Variants in CCDC17 observed in about 807,000 individuals in gnomAD.
The protein encoded by CCDC17 is coiled-coil domain-containing protein 17.
Under a neutral mutation model 68.0 loss-of-function variants are expected in CCDC17, and 79 were observed. That is an observed-to-expected ratio of 1.16 (90% confidence interval 0.97 to 1.40). The LOEUF (loss-of-function observed/expected upper bound fraction) is 1.40. CCDC17 is among the 40% of genes most tolerant of loss of function. The pLI is 0.00. For synonymous variants in CCDC17, 376 were observed against 337.5 expected (o/e 1.11, Z -1.25); for missense variants, 846 against 811.5 (o/e 1.04, Z -0.52).
At chr1:45,621,854 T>A in intron 8 of CCDC17, 23 bp downstream of exon 8, 1 of 1,595,060 alleles carries the variant, frequency 6.3e-7, no homozygotes, top group African/African-American at 1.3e-5. Flanking sequence ...CCTCACAGCC[T>A]TTGCCCCACC....
rs1466764344 is a variant in CCDC17 at position 45,620,575 on chromosome 1, A to G, written c.1711-142T>C. 3.4e-5 allele frequency: 50 copies of G among 1,482,428 alleles called. No homozygotes were observed. The South Asian group carries it at 5.6e-4, about 17-fold the overall frequency. The allele number at this position is 1,482,428 out of a possible 1,614,324, so 91.8% of individuals were successfully genotyped here. A position where few individuals can be genotyped will look rare whatever the true frequency, so the allele number is the denominator to read the frequency against. Reference sequence around the variant, plus strand: ...CTGCTTTGATTTCCTTATCTGTTACATAGTAGGACTTCATAGAGATGTGAG... The same window carrying G: ...CTGCTTTGATTTCCTTATCTGTTACGTAGTAGGACTTCATAGAGATGTGAG... On this transcript the variant is annotated intron_variant, in intron 12 of 12. Transcript: ENST00000528266.
In CCDC17 at chr1:45,621,637, C is replaced by T; in HGVS notation, c.1184+1G>A. The T allele has an allele frequency of 1.9e-6, 3 of 1,613,502 alleles. No individual in the cohort carries two copies. Among genetic ancestry groups the T allele is most frequent in the South Asian group, 2.2e-5 (2 of 90,968 alleles). ...GCTGTCGAAGGTGGCACGGGCCTCA[C>T]CCAGGATCATAGGGTGCAGGGCCCA... On this transcript the variant is annotated splice_donor_variant, in intron 9 of 12. Transcript: ENST00000528266. LOFTEE classifies it high-confidence loss of function.
chr1:45,621,831 A>C, intron 8 of CCDC17, 46 bp downstream of exon 8: 1 of 1,592,658 alleles, frequency 6.3e-7, no homozygotes, highest in Non-Finnish European at 8.6e-7. Flanking sequence ...TGTTCCCCCA[A>C]CCCACCCCGT....
At position 45,620,883 on chromosome 1, in the gene CCDC17, T is replaced by C. The variant is rs181566146; in HGVS notation, c.1599+20A>G. 5.0e-5 allele frequency: 81 copies of C among 1,612,322 alleles called. No homozygotes were observed. The highest frequency in any genetic ancestry group is 6.6e-5 in the Non-Finnish European group (78 of 1,179,214). On this transcript the variant is annotated intron_variant, in intron 11 of 12. Coordinates refer to ENST00000528266, the MANE Select transcript of CCDC17 (RefSeq NM_001114938.3). ...CACTTGTACTTTGCTGTATGCCCAA[T>C]CCCTGCGCACCACACTCACCTGAGG...
chr1:45,621,370 C>T lies in CCDC17; in HGVS notation c.1299G>A (p.Ala433=), dbSNP rs755083111. Residue 433 remains alanine (A), a synonymous_variant, in exon 10 of 13, where the codon GCG becomes GCA. Transcript: ENST00000528266. ...GGGGCAGGCAAAGGGCTGGGGGCAA[C>T]GCTGTGGTCCTTCCTGTATCCCGTC... ...RDGRDTGRTT[A]LPPALCLPPP... 1.1e-5 allele frequency: 18 copies of T among 1,591,034 alleles called. No individual in the cohort carries two copies. The highest frequency in any genetic ancestry group is 2.7e-5 in the African/African-American group (2 of 74,474).
Position 45,623,029 on chromosome 1 carries a change from T to C in CCDC17, c.582A>G (p.Gln194=), listed in dbSNP as rs1445659887. 5 of 1,612,786 alleles carry C rather than the reference T, an allele frequency of 3.1e-6. No homozygotes were observed. The highest frequency in any genetic ancestry group is 4.2e-6 in the Non-Finnish European group (5 of 1,179,452). The change falls in exon 4 of 13, where the codon CAA becomes CAG. Residue 194 remains glutamine (Q), a synonymous_variant. Coordinates refer to ENST00000528266, the MANE Select transcript of CCDC17 (RefSeq NM_001114938.3). ...FGLEQEIREL[Q]AEAGRTRGAL... ...CTCCCCGCGTCCTCCCGGCCTCAGC[T>C]TGTAGTTCTCGAATCTCCTGCTCCA...
rs1569650354 is a variant in CCDC17, at chr1:45,620,729, T to G, written c.1704A>C (p.Pro568=). ...NPASVHEYQY[P]PPVSSTSSLE... is the part of the protein sequence containing the mutation. The stretch of plus-strand genomic sequence containing the variant: ...GCTGCAGCTGGGCCCTCACCGGAGG[T>G]GGGTACTGGTACTCATGGACACTTG... The change falls in exon 12 of 13, where the codon CCA becomes CCC. Residue 568 remains proline (P), a synonymous_variant. Coordinates refer to ENST00000528266, the MANE Select transcript of CCDC17 (RefSeq NM_001114938.3). 6.2e-7 allele frequency: 1 copy of G among 1,600,786 alleles called. No homozygotes were observed. The highest frequency in any genetic ancestry group is 8.5e-7 in the Non-Finnish European group (1 of 1,173,668).
chr1:45,621,657 G>A lies in CCDC17; in HGVS notation c.1165C>T (p.Pro389Ser). ...FLLPTSDMLGPAPYDPGAGLV... is the reference protein window; with the variant it reads ...FLLPTSDMLGSAPYDPGAGLV... ...CCTCACCCAGGATCATAGGGTGCAG[G>A]GCCCAGCATGTCCGATGTGGGCAGG... The change falls in exon 9 of 13, where the codon CCT (proline) becomes TCT (serine). Residue 389 changes from proline (P) to serine (S), a missense_variant. Coordinates refer to ENST00000528266, the MANE Select transcript of CCDC17 (RefSeq NM_001114938.3). The A allele has an allele frequency of 6.2e-7, 1 of 1,613,836 alleles. No individual in the cohort carries two copies. The highest frequency in any genetic ancestry group is 8.5e-7 in the Non-Finnish European group (1 of 1,179,822).
Position 45,623,106 on chromosome 1 carries a change from G to C in CCDC17, c.505C>G (p.Arg169Gly). Residue 169 changes from arginine (R) to glycine (G), a missense_variant, in exon 4 of 13, where the codon CGC becomes GGC. Physicochemically the swap from Arg to Gly is moderately radical, Grantham distance 125. Coordinates refer to ENST00000528266, the MANE Select transcript of CCDC17 (RefSeq NM_001114938.3). Reference sequence around the variant, plus strand: ...CGCGTACAGGCCACAACTTGGAGGCGTCGGCTCAGTTCTGAGGGAATGCGG... The same window carrying C: ...CGCGTACAGGCCACAACTTGGAGGCCTCGGCTCAGTTCTGAGGGAATGCGG... ...LQLRGEELSR[R>G]LQVVACTRGG... is the part of the protein sequence containing the mutation. The C allele has an allele frequency of 6.4e-7, 1 of 1,569,366 alleles. No individual in the cohort carries two copies. Among genetic ancestry groups the C allele is most frequent in the Non-Finnish European group, 8.6e-7 (1 of 1,157,692 alleles).
chr1:45,620,509 T>C, intron 12 of CCDC17, 76 bp from the exon 13 acceptor site: 2 of 1,470,050 alleles, frequency 1.4e-6, no homozygotes, highest in Non-Finnish European at 1.8e-6. Flanking sequence ...TAGTTAGGCT[T>C]CCTTAGAGTC....
In CCDC17 at chr1:45,622,842, G is replaced by C. The variant is rs1439407966; in HGVS notation, c.657-8C>G. ...CGGGAGCTCAGCGGGTTCCTGGGGTGGCAGGCGACGCGCAGGGAGACGGTA... is the reference window on the plus strand; with the variant it reads ...CGGGAGCTCAGCGGGTTCCTGGGGTCGCAGGCGACGCGCAGGGAGACGGTA... On this transcript the variant is annotated splice_region_variant and splice_polypyrimidine_tract_variant and intron_variant, in intron 4 of 12. Coordinates refer to ENST00000528266, the MANE Select transcript of CCDC17 (RefSeq NM_001114938.3). 6.3e-7 allele frequency: 1 copy of C among 1,592,550 alleles called. No individual in the cohort carries two copies. The highest frequency in any genetic ancestry group is 1.8e-5 in the Admixed American group (1 of 57,082).
At position 45,621,916 on chromosome 1, in the gene CCDC17, CGGTGGCG is replaced by C; in HGVS notation, c.1040_1046del (p.Pro347ArgfsTer21). The C allele has an allele frequency of 6.2e-7, 1 of 1,608,558 alleles. No homozygotes were observed. On this transcript the variant is annotated frameshift_variant, in exon 8 of 13. Transcript: ENST00000528266. LOFTEE classifies it high-confidence loss of function. ...GAAGTGGTGGCAGCGGTGGTGCCAC[CGGTGGCG>C]GGAGGAGTGGGGGATCTCTCCTCCC...
chr1:45,623,313 T>C lies in CCDC17; in HGVS notation c.397A>G (p.Ser133Gly), dbSNP rs960435153. The change falls in exon 3 of 13, where the codon AGC becomes GGC. Residue 133 changes from serine to glycine, a missense_variant. Physicochemically the swap from Ser to Gly is moderately conservative, Grantham distance 56. Transcript: ENST00000528266. ...PQSPMSEAVG[S>G]PSERLRALFR... ...AGCGCCCGCAGCCGCTCGCTGGGGCTTCCCACCGCCTCGGACATGGGACTC... is the reference window on the plus strand; with the variant it reads ...AGCGCCCGCAGCCGCTCGCTGGGGCCTCCCACCGCCTCGGACATGGGACTC... The C allele has an allele frequency of 2.6e-5, 40 of 1,549,920 alleles. No homozygotes were observed. Among genetic ancestry groups the C allele is most frequent in the African/African-American group, 4.1e-5 (3 of 73,036 alleles).
chr1:45,620,820 T>C lies in CCDC17; in HGVS notation c.1613A>G (p.Glu538Gly). 6.2e-7 allele frequency: 1 copy of C among 1,611,490 alleles called. No individual in the cohort carries two copies. The highest frequency in any genetic ancestry group is 2.2e-5 in the East Asian group (1 of 44,818). The part of the protein sequence containing the change: ...LNGIPQAGQA[E>G]LFLRLVNARD... ...TGCATTCACCAGCCGCAGAAAGAGC[T>C]CAGCCTGACCTGCCTGGGGAGAGAT... Residue 538 changes from glutamate (E) to glycine (G), a missense_variant, in exon 12 of 13, where the codon GAG becomes GGG. Transcript: ENST00000528266.
rs1165037228 is a variant in CCDC17 at position 45,620,188 on chromosome 1, C to CTACT, written c.*86_*87insAGTA. On this transcript the variant is annotated 3_prime_UTR_variant, in exon 13 of 13. Coordinates refer to ENST00000528266, the MANE Select transcript of CCDC17 (RefSeq NM_001114938.3). Reference sequence around the variant, plus strand: ...TGCTAGATGCTTCTAGACCCAATGTCAGAACATGGAGTAGTAAACCTGTAG... The same window carrying CTACT: ...TGCTAGATGCTTCTAGACCCAATGTCTACTAGAACATGGAGTAGTAAACCTGTAG... The CTACT allele has an allele frequency of 1.2e-5, 17 of 1,433,920 alleles. No homozygotes were observed. Among genetic ancestry groups the CTACT allele is most frequent in the African/African-American group, 1.5e-5 (1 of 68,524 alleles). 88.8% of individuals were successfully genotyped at this position (1,433,920 alleles called of 1,614,324 possible).
intron 9 of CCDC17, 44 bp from the exon 10 acceptor site, chr1:45,621,528 A>T: frequency 6.4e-7 from 1 of 1,572,588 alleles, no homozygotes; most frequent in East Asian, 2.4e-5. Flanking sequence ...AACTCCTTTC[A>T]ACCTCCCTCC....
chr1:45,620,277 AG>A lies in CCDC17; in HGVS notation c.1866del (p.Ter623GlufsTer4). On this transcript the variant is annotated frameshift_variant, in exon 13 of 13. Transcript: ENST00000528266. LOFTEE classifies it high-confidence loss of function. ...CTCATCTCCACATTCACTTGGGTTC[AG>A]AAACTCACTGGGGGCAAGTCAGAAC... The part of the protein sequence containing the change: ...HHSSDLPPVS[F>X] The A allele has an allele frequency of 6.2e-7, 1 of 1,609,248 alleles. No individual in the cohort carries two copies. The highest frequency in any genetic ancestry group is 2.2e-5 in the East Asian group (1 of 44,818).
chr1:45,620,854 A>T (rs748552146), intron 11 of CCDC17, 21 bp from the exon 12 acceptor site: 1 of 1,610,482 alleles, frequency 6.2e-7, no homozygotes, highest in African/African-American at 1.3e-5. Flanking sequence ...ATGAAATGGT[A>T]TTGCACTTGT....
In CCDC17 at chr1:45,620,919, A is replaced by G; in HGVS notation, c.1583T>C (p.Leu528Pro). ...PLDPSLSLGQLNGIPQAGQAE... is the reference protein window; with the variant it reads ...PLDPSLSLGQPNGIPQAGQAE... ...CACACTCACCTGAGGAATCCCATTC[A>G]GCTGCCCAAGGCTAAGGCTGGGGTC... is the stretch of plus-strand genomic sequence containing the variant. Residue 528 changes from leucine (L) to proline (P), a missense_variant, in exon 11 of 13, where the codon CTG becomes CCG. Physicochemically the swap from Leu to Pro is moderately conservative, Grantham distance 98. Coordinates refer to ENST00000528266, the MANE Select transcript of CCDC17 (RefSeq NM_001114938.3). 1.2e-6 allele frequency: 2 copies of G among 1,613,748 alleles called. No homozygotes were observed. Among genetic ancestry groups the G allele is most frequent in the Non-Finnish European group, 1.7e-6 (2 of 1,179,790 alleles).
Sources: allele counts gnomAD v4.1 joint callset, GRCh38; gene constraint gnomAD v4.1.1; transcripts MANE v1.5; gene names NCBI Gene and HGNC (gene_info 2026-07-23, HGNC 2026-07-21).